MBNL1: variants seen among roughly 807,000 people sequenced by gnomAD.
The protein encoded by MBNL1 is muscleblind like splicing regulator 1.
Under a neutral mutation model 42.2 loss-of-function variants are expected in MBNL1, and 8 were observed. The ratio of observed to expected loss-of-function variants is 0.19; its 90% CI spans 0.11 to 0.34. MBNL1 has a LOEUF of 0.34. Ranked by LOEUF, MBNL1 falls within the 10% of genes least tolerant of loss-of-function variation. The probability of loss-of-function intolerance (pLI) is 1.00; values close to 1 mark genes in which losing one functional copy is unlikely to be tolerated. For missense variants in MBNL1, 309 were observed against 495.3 expected, an observed-to-expected ratio of 0.62 and a Z score of 3.57; for synonymous variants, 169 against 173.9, an observed-to-expected ratio of 0.97 and a Z score of 0.22.
At chr3:152,335,380 A>G (rs183019374) in intron 2 of MBNL1, 30 of 638,440 alleles carry the variant, frequency 4.7e-5, no homozygotes, top group East Asian at 3.3e-4. Context: ...TGGTTTTCAC[A>G]TTGGTGATCT....
At chr3:152,458,494 C>T (rs867467364) in intron 8 of MBNL1, 5 of 319,182 alleles carry the variant, frequency 1.6e-5, no homozygotes, top group South Asian at 1.0e-4. Flanking sequence ...CAGGGTCACA[C>T]AGCCAGTAAA....
chr3:152,289,816 A>C (rs1016711960), intron 1 of MBNL1, among the ~76,000 whole-genome samples: 1 of 152,088 alleles, frequency 6.6e-6, no homozygotes, highest in Non-Finnish European at 1.5e-5. Context: ...TTGGAATAAG[A>C]AATATGTTAG....
At chr3:152,420,688 C>A (rs968783797) in intron 3 of MBNL1, among the ~76,000 whole-genome samples, 1 of 152,176 alleles carries the variant, frequency 6.6e-6, no homozygotes, top group African/African-American at 2.4e-5. Context: ...GCTGAAAATT[C>A]CAAAAACCAG....
rs564193779 is a variant in MBNL1 at position 152,441,520 on chromosome 3, T to C, written c.550-3762T>C. Among the ~76,000 whole-genome samples, 133 of 152,338 alleles carry C rather than the reference T, an allele frequency of 8.7e-4. 1 individual carries two copies. Among genetic ancestry groups the C allele is most frequent in the South Asian group, 1.9e-3 (9 of 4,828 alleles). ...ACCCTATTGTCTGTCCGCTATATTA[T>C]TGCTATTTAGTTAACAAAAGAAGGT... On this transcript the variant is annotated intron_variant, in intron 4 of 9. Transcript: ENST00000324210.
At chr3:152,414,428 G>A (rs530832223) in intron 2 of MBNL1, among the ~76,000 whole-genome samples, 2 of 152,240 alleles carry the variant, frequency 1.3e-5, no homozygotes, top group East Asian at 3.9e-4. Context: ...GACTGGTAAA[G>A]CCTAGTAGTA....
intron 3 of MBNL1, among the ~76,000 whole-genome samples, chr3:152,428,523 G>T (rs1234338465): frequency 2.6e-5 from 4 of 152,330 alleles, no homozygotes; most frequent in African/African-American, 9.6e-5. Context: ...GAATTAAACA[G>T]ATTGGCTAGG....
At chr3:152,290,811 G>C (rs140867155) in intron 1 of MBNL1, among the ~76,000 whole-genome samples, 4 of 152,022 alleles carry the variant, frequency 2.6e-5, no homozygotes, top group African/African-American at 9.7e-5. Context: ...ACATTGTAAC[G>C]GGAATAACAG....
chr3:152,458,454 C>T (rs1226887179), intron 8 of MBNL1: 1 of 447,022 alleles, frequency 2.2e-6, no homozygotes, highest in Non-Finnish European at 4.1e-6. Context: ...ATAGAAGAGA[C>T]TTAAGCATAG....
intron 2 of MBNL1, among the ~76,000 whole-genome samples, chr3:152,320,386 G>A (rs1364074264): frequency 6.6e-6 from 1 of 152,134 alleles, no homozygotes; most frequent in African/African-American, 2.4e-5. Context: ...TTCTAGAACA[G>A]GCCTTTCCCT....
chr3:152,245,598 A>G (rs530839471), intron 2 of MBNL1, among the ~76,000 whole-genome samples: 1 of 152,352 alleles, frequency 6.6e-6, no homozygotes, highest in Admixed American at 6.5e-5. Flanking sequence ...GAAAGTCCAC[A>G]CTATCCCATC....
chr3:152,383,636 T>C (rs1158968021), intron 2 of MBNL1, among the ~76,000 whole-genome samples: 1 of 152,070 alleles, frequency 6.6e-6, no homozygotes, highest in Non-Finnish European at 1.5e-5. Flanking sequence ...AAGTGATCCC[T>C]CCAGAGTTGT....
intron 6 of MBNL1, among the ~76,000 whole-genome samples, chr3:152,454,412 A>G (rs145842175): frequency 6.6e-5 from 10 of 152,326 alleles, no homozygotes; most frequent in African/African-American, 2.4e-4. Context: ...TGCTGCTAGT[A>G]TTTAAACAGG....
intron 3 of MBNL1, among the ~76,000 whole-genome samples, chr3:152,417,167 C>T (rs1470285436): frequency 6.6e-6 from 1 of 152,110 alleles, no homozygotes. Context: ...CCTTCAAAAC[C>T]TCACCTGAGA....
At chr3:152,296,523 T>C (rs1488838599) in intron 1 of MBNL1, among the ~76,000 whole-genome samples, 3 of 152,178 alleles carry the variant, frequency 2.0e-5, no homozygotes, top group African/African-American at 7.2e-5. Context: ...TTATCCACTA[T>C]TGCTAATGAA....
At chr3:152,442,849 G>C (rs17371330) in intron 4 of MBNL1, among the ~76,000 whole-genome samples, 10,842 of 152,158 alleles carry the variant, frequency 0.071, 510 homozygotes, top group Middle Eastern at 0.16. Context: ...ACTCTCACCA[G>C]TACAAGTTTT....
At chr3:152,261,191 T>C (rs1011337724) in intron 2 of MBNL1, among the ~76,000 whole-genome samples, 2 of 152,140 alleles carry the variant, frequency 1.3e-5, no homozygotes, top group Admixed American at 6.5e-5. Flanking sequence ...CCAGAAATTT[T>C]GATTTAATTT....
chr3:152,248,813 T>C (rs1340582243), intron 2 of MBNL1, among the ~76,000 whole-genome samples: 2 of 148,676 alleles, frequency 1.3e-5, no homozygotes, highest in Non-Finnish European at 3.0e-5. Context: ...TTCCCCTTCC[T>C]GTGTCCATGT....
At chr3:152,327,147 T>C (rs149488995) in intron 2 of MBNL1, among the ~76,000 whole-genome samples, 1 of 152,040 alleles carries the variant, frequency 6.6e-6, no homozygotes, top group South Asian at 2.1e-4. Flanking sequence ...TTTTTTTTGA[T>C]TAATATGTTT....
intron 2 of MBNL1, among the ~76,000 whole-genome samples, chr3:152,313,688 A>G (rs908070703): frequency 2.6e-5 from 4 of 152,210 alleles, no homozygotes; most frequent in African/African-American, 9.6e-5. Context: ...GTTATTTGTC[A>G]TTATGCACAT....
Sources: allele counts gnomAD v4.1 joint callset (sites outside exome capture counted in the v4.1 genomes callset), GRCh38; gene constraint gnomAD v4.1.1; transcripts MANE v1.5; gene names NCBI Gene and HGNC (gene_info 2026-07-23, HGNC 2026-07-21).